Variants in CEP41 observed in about 807,000 individuals in gnomAD.
CEP41 encodes the protein centrosomal protein 41.
CEP41 carries 32 observed loss-of-function variants against 44.3 expected under a neutral mutation model. That is an observed-to-expected ratio of 0.72 (90% CI 0.54 to 0.97). CEP41 has a LOEUF of 0.97. Among genes scored for constraint, CEP41 ranks in the 50% least tolerant of loss-of-function variants. CEP41 has a pLI of 0.00. For missense variants in CEP41, 432 were observed against 455.2 expected (o/e 0.95, Z 0.46); for synonymous variants, 151 against 168.5 (o/e 0.90, Z 0.80).
intron 5 of CEP41, among the ~76,000 whole-genome samples, chr7:130,406,139 T>C (rs1338739905): frequency 1.3e-5 from 2 of 152,186 alleles, no homozygotes; most frequent in Non-Finnish European, 2.9e-5. Context: ...CAGTTCCCAG[T>C]TTAAATTTTT....
intron 2 of CEP41, chr7:130,419,920 A>G: frequency 2.0e-6 from 2 of 985,366 alleles, no homozygotes; most frequent in Non-Finnish European, 2.4e-6. Flanking sequence ...ACCTTACTAG[A>G]CAGAAAGCCA....
intron 1 of CEP41, among the ~76,000 whole-genome samples, chr7:130,438,670 T>C (rs1283139693): frequency 6.6e-6 from 1 of 152,188 alleles, no homozygotes; most frequent in Non-Finnish European, 1.5e-5. Context: ...CTGCCTAAAA[T>C]GCAAATCTGA....
intron 1 of CEP41, among the ~76,000 whole-genome samples, chr7:130,430,301 T>C (rs1457541780): frequency 6.6e-6 from 1 of 151,416 alleles, no homozygotes; most frequent in Non-Finnish European, 1.5e-5. Context: ...AATCCCAGAG[T>C]GAAAGGGTCA....
chr7:130,394,852 TA>T lies in CEP41; in HGVS notation c.*4038del. On this transcript the variant is annotated 3_prime_UTR_variant, in exon 11 of 11. Coordinates refer to ENST00000223208, the MANE Select transcript of CEP41 (RefSeq NM_018718.3). ...TCAAAATAATTGCAACAGGAAGACA[TA>T]TTGATATCCTTTAAAAGATGCAGCC... 1 of 454,128 alleles carries T rather than the reference TA, an allele frequency of 2.2e-6. No individual in the cohort carries two copies. Among genetic ancestry groups the T allele is most frequent in the Non-Finnish European group, 4.4e-6 (1 of 226,790 alleles). The allele number at this position is 454,128 out of a possible 1,614,324, so 28.1% of individuals were successfully genotyped here.
chr7:130,421,681 G>A (rs1423776091), intron 2 of CEP41: 2 of 1,113,124 alleles, frequency 1.8e-6, no homozygotes, highest in Non-Finnish European at 2.2e-6. Context: ...CAAAAATAAG[G>A]CTAGAAAAGA....
At chr7:130,422,665 T>A (rs1282044087) in intron 2 of CEP41, among the ~76,000 whole-genome samples, 1 of 152,188 alleles carries the variant, frequency 6.6e-6, no homozygotes, top group African/African-American at 2.4e-5. Context: ...ATTTCTAAAT[T>A]TGAAACAACA....
In CEP41 at chr7:130,394,647, G is replaced by T. The variant is rs544508687; in HGVS notation, c.*4244C>A. 2 of 453,882 alleles carry T rather than the reference G, an allele frequency of 4.4e-6. No homozygotes were observed. Among genetic ancestry groups the T allele is most frequent in the Non-Finnish European group, 8.8e-6 (2 of 226,716 alleles). The allele number at this position is 453,882 out of a possible 1,614,324, so 28.1% of individuals were successfully genotyped here. On this transcript the variant is annotated 3_prime_UTR_variant, in exon 11 of 11. Transcript: ENST00000223208. Reference sequence around the variant, plus strand: ...TCGCCCACAAAGGCAGGATACACAAGGGGGACAGAAGATAACGAGCTTTCT... The same window carrying T: ...TCGCCCACAAAGGCAGGATACACAATGGGGACAGAAGATAACGAGCTTTCT...
At position 130,396,976 on chromosome 7, in the gene CEP41, C is replaced by T. The variant is rs190092903; in HGVS notation, c.*1915G>A. ...ATAGAATCCGGCAGGGAAGTCTCAA[C>T]TCCTGACAAGTCACCTTTAAAACAG... On this transcript the variant is annotated 3_prime_UTR_variant, in exon 11 of 11. Transcript: ENST00000223208. 10 of 454,236 alleles carry T rather than the reference C, an allele frequency of 2.2e-5. No individual in the cohort carries two copies. Among genetic ancestry groups the T allele is most frequent in the African/African-American group, 4.0e-5 (2 of 49,992 alleles). 28.1% of individuals were successfully genotyped at this position (454,236 alleles called of 1,614,324 possible).
chr7:130,423,502 C>T (rs1233001032), intron 2 of CEP41, among the ~76,000 whole-genome samples: 2 of 152,154 alleles, frequency 1.3e-5, no homozygotes, highest in African/African-American at 4.8e-5. Context: ...AAATAGAGCC[C>T]TCCTACATTG....
chr7:130,421,926 A>G, intron 2 of CEP41: 2 of 1,535,170 alleles, frequency 1.3e-6, no homozygotes, highest in Non-Finnish European at 1.7e-6. Context: ...AACAAAACGC[A>G]GCCAGGGATT....
At chr7:130,419,301 G>C in intron 2 of CEP41, 1 of 985,390 alleles carries the variant, frequency 1.0e-6, no homozygotes, top group Non-Finnish European at 1.2e-6. Context: ...TTTCTTCCTT[G>C]CTTTAATTGG....
At chr7:130,441,214 C>G (rs1473870069), upstream of CEP41, 3 of 491,536 alleles carry the variant, frequency 6.1e-6, no homozygotes, top group Non-Finnish European at 1.2e-5. Context: ...GTTCTCTGGG[C>G]TGGGGCTCGC....
intron 1 of CEP41, among the ~76,000 whole-genome samples, chr7:130,434,959 CTG>C (rs1797920649): frequency 6.6e-6 from 1 of 152,026 alleles, no homozygotes; most frequent in Non-Finnish European, 1.5e-5. Flanking sequence ...ATAAACAAAA[CTG>C]TGATACAACC....
At chr7:130,411,299 T>C in intron 4 of CEP41, 108 bp from the exon 5 acceptor site, 1 of 898,268 alleles carries the variant, frequency 1.1e-6, no homozygotes, top group Non-Finnish European at 1.8e-6. Flanking sequence ...GATCTGTTGT[T>C]TTAAGAAGCT....
rs1774718762 is a variant in CEP41, at chr7:130,400,201, G to T, written c.811C>A (p.Pro271Thr). 1 of 1,613,852 alleles carries T rather than the reference G, an allele frequency of 6.2e-7. No homozygotes were observed. Among genetic ancestry groups the T allele is most frequent in the Non-Finnish European group, 8.5e-7 (1 of 1,179,946 alleles). The change falls in exon 10 of 11, where the codon CCA (proline) becomes ACA (threonine). Residue 271 changes from proline to threonine, a missense_variant. Transcript: ENST00000223208. ...GGAAGGGCCTGCTGGCAAGATGCTG[G>T]CAGGGAACCAGTAATCAGTCCTTCC... ...FPEGLITGSL[P>T]ASCQQALPPG...
chr7:130,419,494 A>C lies in CEP41; in HGVS notation c.98-2528T>G, dbSNP rs538976894. The C allele has an allele frequency of 4.3e-5, 42 of 983,618 alleles. No homozygotes were observed. In the African/African-American group the frequency reaches 7.3e-4, roughly 17 times the overall value. 60.9% of individuals were successfully genotyped at this position (983,618 alleles called of 1,614,324 possible). ...CTACCTTTTAAAAAGATTGGAAATGAATCCATTTCATAATTCACTTATTTA... is the reference window on the plus strand; with the variant it reads ...CTACCTTTTAAAAAGATTGGAAATGCATCCATTTCATAATTCACTTATTTA... On this transcript the variant is annotated intron_variant, in intron 2 of 10. Coordinates refer to ENST00000223208, the MANE Select transcript of CEP41 (RefSeq NM_018718.3).
intron 4 of CEP41, 84 bp from the exon 5 acceptor site, chr7:130,411,275 C>G: frequency 9.6e-7 from 1 of 1,036,352 alleles, no homozygotes; most frequent in Non-Finnish European, 1.5e-6. Context: ...GACGAGGGAA[C>G]AACAAACATC....
chr7:130,417,089 A>T (rs1460315098), intron 2 of CEP41, 123 bp from the exon 3 acceptor site: 22 of 1,377,168 alleles, frequency 1.6e-5, no homozygotes, highest in Non-Finnish European at 2.0e-5. Context: ...GGGATTCTGG[A>T]CAGCAGCAAA....
chr7:130,397,118 T>C lies in CEP41; in HGVS notation c.*1773A>G, dbSNP rs782011799. 75 of 454,520 alleles carry C rather than the reference T, an allele frequency of 1.7e-4. No homozygotes were observed. Among genetic ancestry groups the C allele is most frequent in the Middle Eastern group, 6.9e-4 (1 of 1,444 alleles). 28.2% of individuals were successfully genotyped at this position (454,520 alleles called of 1,614,324 possible). On this transcript the variant is annotated 3_prime_UTR_variant, in exon 11 of 11. Transcript: ENST00000223208. ...AAAGCTGAGTGTGGAAAAATGTGCATTTTTCTATCTATGCTGTAAAGAAAA... is the reference window on the plus strand; with the variant it reads ...AAAGCTGAGTGTGGAAAAATGTGCACTTTTCTATCTATGCTGTAAAGAAAA...
Sources: gnomAD v4.1 joint callset for allele counts (sites outside exome capture counted in the v4.1 genomes callset) on GRCh38, gnomAD v4.1.1 for gene constraint, MANE v1.5 for transcripts, NCBI Gene and HGNC (gene_info 2026-07-23, HGNC 2026-07-21) for gene names.